Variants in KANK4 observed in about 807,000 individuals in gnomAD.
KANK4 encodes KN motif and ankyrin repeat domains 4, also known as KN motif and ankyrin repeat domain-containing protein 4.
Under a neutral mutation model 80.8 loss-of-function variants are expected in KANK4, and 50 were observed. That is an observed-to-expected ratio of 0.62 (90% CI 0.49 to 0.78). The LOEUF (loss-of-function observed/expected upper bound fraction) is 0.78. KANK4 is among the 30% of genes least tolerant of loss of function. KANK4 has a pLI of 0.00. For missense variants in KANK4, 1,196 were observed against 1,240.1 expected (o/e 0.96, Z 0.53); for synonymous variants, 465 against 506.9 (o/e 0.92, Z 1.11).
chr1:62,243,198 C>T (rs549008423), intron 9 of KANK4, among the ~76,000 whole-genome samples: 1 of 152,292 alleles, frequency 6.6e-6, no homozygotes, highest in East Asian at 1.9e-4. Flanking sequence ...ACCCGAACTC[C>T]AGCCTGCCTG....
intron 1 of KANK4, among the ~76,000 whole-genome samples, chr1:62,307,675 G>A (rs968539378): frequency 3.3e-5 from 5 of 151,976 alleles, no homozygotes; most frequent in African/African-American, 1.2e-4. Flanking sequence ...TGGGACCCCA[G>A]CCATCACCGA....
chr1:62,279,462 G>A (rs1210049998), intron 2 of KANK4, among the ~76,000 whole-genome samples: 1 of 152,196 alleles, frequency 6.6e-6, no homozygotes, highest in African/African-American at 2.4e-5. Flanking sequence ...CAGTTAGGAA[G>A]ACCTGACTCT....
rs112048152 is a variant in KANK4 at position 62,273,875 on chromosome 1, G to A, written c.1229C>T (p.Thr410Met). Reference protein sequence around the residue: ...QENAKDTQGQTDVMVNTDPVH... With the variant: ...QENAKDTQGQMDVMVNTDPVH... ...AGGGTCAGTGTTCACCATCACGTCC[G>A]TCTGGCCCTGAGTGTCTTTGGCGTT... The change falls in exon 3 of 10, where the codon ACG becomes ATG. Residue 410 changes from threonine to methionine, a missense_variant. Around this residue, in one of 3 missense-constraint regions of KANK4, gnomAD observed 1,154 missense variants for 1,179.6 expected, o/e 0.98. Transcript: ENST00000371153. 2,349 of 1,614,166 alleles carry A rather than the reference G, an allele frequency of 1.5e-3. 25 individuals carry two copies. The African/African-American group carries it at 0.027, about 19-fold the overall frequency.
chr1:62,255,088 T>A (rs1423120851), intron 7 of KANK4, among the ~76,000 whole-genome samples: 3 of 151,848 alleles, frequency 2.0e-5, no homozygotes, highest in Admixed American at 2.0e-4. Flanking sequence ...GGTTTCACCA[T>A]GTTGGTCAGG....
At chr1:62,294,335 G>T (rs895471635) in intron 1 of KANK4, among the ~76,000 whole-genome samples, 4 of 152,124 alleles carry the variant, frequency 2.6e-5, no homozygotes, top group African/African-American at 9.7e-5. Context: ...CTCCCTCCTG[G>T]GTCACTTCAG....
chr1:62,254,668 C>T lies in KANK4; in HGVS notation c.2540-1459G>A, dbSNP rs554229474. 6.6e-5 allele frequency among the ~76,000 whole-genome samples: 10 copies of T among 152,076 alleles called. No homozygotes were observed. The South Asian group carries it at 2.1e-3, about 32-fold the overall frequency. On this transcript the variant is annotated intron_variant, in intron 7 of 9. Transcript: ENST00000371153. ...TCCTGGGTTCAAGTGATTCTCCTGC[C>T]TCAGCCTCCTGAGTAGCTAGGACTA...
intron 1 of KANK4, among the ~76,000 whole-genome samples, chr1:62,305,460 C>T (rs1267854724): frequency 6.6e-6 from 1 of 152,150 alleles, no homozygotes; most frequent in East Asian, 1.9e-4. Context: ...AGGCGCCTGC[C>T]ACCAAGCCTG....
At chr1:62,241,260 G>A (rs544224274) in intron 9 of KANK4, among the ~76,000 whole-genome samples, 6 of 152,198 alleles carry the variant, frequency 3.9e-5, no homozygotes, top group South Asian at 2.1e-4. Flanking sequence ...AGCACTAAAC[G>A]AGTCAGAAGA....
At chr1:62,309,526 G>C (rs942283308) in intron 1 of KANK4, among the ~76,000 whole-genome samples, 3 of 152,092 alleles carry the variant, frequency 2.0e-5, no homozygotes, top group Non-Finnish European at 2.9e-5. Flanking sequence ...TTTATAATTA[G>C]AAAGGAAAAA....
intron 9 of KANK4, among the ~76,000 whole-genome samples, chr1:62,245,071 C>T (rs999840588): frequency 9.9e-5 from 15 of 152,230 alleles, no homozygotes; most frequent in African/African-American, 2.7e-4. Flanking sequence ...GCCTGTCCCA[C>T]GGGCCTCCCA....
intron 1 of KANK4, among the ~76,000 whole-genome samples, chr1:62,298,860 T>C (rs1224217606): frequency 6.6e-6 from 1 of 152,174 alleles, no homozygotes; most frequent in Admixed American, 6.5e-5. Flanking sequence ...TGTTGTGTGG[T>C]ATATTAGGCA....
intron 1 of KANK4, among the ~76,000 whole-genome samples, chr1:62,318,348 C>T (rs1644559494): frequency 6.6e-6 from 1 of 152,216 alleles, no homozygotes; most frequent in Non-Finnish European, 1.5e-5. Flanking sequence ...CCCAGCGTAG[C>T]GGCCATGGGC....
intron 1 of KANK4, among the ~76,000 whole-genome samples, chr1:62,299,235 A>G (rs1886833): frequency 6.6e-6 from 1 of 151,606 alleles, no homozygotes; most frequent in African/African-American, 2.4e-5. Flanking sequence ...TTTTTAAAAA[A>G]TTTTTTGTAA....
At chr1:62,291,893 T>C (rs895285633) in intron 1 of KANK4, among the ~76,000 whole-genome samples, 9 of 152,136 alleles carry the variant, frequency 5.9e-5, no homozygotes, top group Non-Finnish European at 1.3e-4. Flanking sequence ...AGGTGTGAGC[T>C]ACCATACTCA....
At chr1:62,270,830 A>T (rs144919877) in intron 4 of KANK4, among the ~76,000 whole-genome samples, 2,009 of 152,086 alleles carry the variant, frequency 0.013, 43 homozygotes, top group Middle Eastern at 0.075. Flanking sequence ...ACCTAACAAA[A>T]CTTATCTCAG....
At position 62,238,357 on chromosome 1, in the gene KANK4, C is replaced by A. The variant is rs141702470; in HGVS notation, c.2908G>T (p.Ala970Ser). 1.2e-6 allele frequency: 2 copies of A among 1,613,822 alleles called. No individual in the cohort carries two copies. Among genetic ancestry groups the A allele is most frequent in the South Asian group, 2.2e-5 (2 of 91,068 alleles). ...DKAGRTALSI[A>S]LKSPTHMEIA... Reference sequence around the variant, plus strand: ...TCCATATGGGTGGGTGACTTCAGAGCGATGGACAAAGCTGTGCGGCCAGCC... The same window carrying A: ...TCCATATGGGTGGGTGACTTCAGAGAGATGGACAAAGCTGTGCGGCCAGCC... Residue 970 changes from alanine to serine, a missense_variant, in exon 10 of 10, where the codon GCT becomes TCT. Ala to Ser is a moderately conservative substitution (Grantham distance 99, BLOSUM62 1). Transcript: ENST00000371153.
chr1:62,318,179 T>C (rs922785214), intron 1 of KANK4, among the ~76,000 whole-genome samples: 4 of 152,128 alleles, frequency 2.6e-5, no homozygotes, highest in Non-Finnish European at 2.9e-5. Flanking sequence ...TCTGGCCCTA[T>C]TTGGTAGATA....
At chr1:62,294,790 C>T (rs1392284586) in intron 1 of KANK4, among the ~76,000 whole-genome samples, 2 of 152,206 alleles carry the variant, frequency 1.3e-5, no homozygotes, top group Non-Finnish European at 2.9e-5. Context: ...GACCACCCAG[C>T]CTCGGCAGCA....
chr1:62,270,870 A>T (rs1672145109), intron 4 of KANK4, among the ~76,000 whole-genome samples: 1 of 152,242 alleles, frequency 6.6e-6, no homozygotes, highest in East Asian at 1.9e-4. Context: ...TATTTCTGTT[A>T]TCTGTGAGCT....
Sources: gnomAD v4.1 joint callset for allele counts (sites outside exome capture counted in the v4.1 genomes callset) on GRCh38, gnomAD v4.1.1 for gene constraint, gnomAD v4.1.1 regional missense constraint, MANE v1.5 for transcripts, NCBI Gene and HGNC (gene_info 2026-07-23, HGNC 2026-07-21) for gene names.